Variants in EVA1C observed in about 807,000 individuals in gnomAD.
The protein encoded by EVA1C is eva-1 homolog C.
In EVA1C, 25 loss-of-function variants were observed where a neutral mutation model predicts 45.4. That is an observed-to-expected ratio of 0.55 (90% CI 0.40 to 0.77). EVA1C has a LOEUF of 0.77. Ranked by LOEUF, EVA1C falls within the 30% of genes least tolerant of loss-of-function variation. The probability of loss-of-function intolerance (pLI) is 0.00; values close to 1 mark genes in which losing one functional copy is unlikely to be tolerated. For missense variants in EVA1C, 479 were observed against 554.8 expected (o/e 0.86, Z 1.37); for synonymous variants, 190 against 221.2 (o/e 0.86, Z 1.25).
intron 1 of EVA1C, among the ~76,000 whole-genome samples, chr21:32,426,893 G>A (rs2034509068): frequency 3.3e-5 from 5 of 152,136 alleles, no homozygotes; most frequent in Admixed American, 2.0e-4. Context: ...AGCAGGAATG[G>A]GTGTGCAGTA....
At position 32,510,043 on chromosome 21, in the gene EVA1C, CTTTTTTT is replaced by C. The variant is rs58017017; in HGVS notation, c.950-4756_950-4750del. 3.4e-4 allele frequency among the ~76,000 whole-genome samples: 39 copies of C among 114,520 alleles called. No individual in the cohort carries two copies. The East Asian group carries it at 3.9e-3, about 11-fold the overall frequency. 75.1% of individuals were successfully genotyped at this position (114,520 alleles called of 152,430 possible). On this transcript the variant is annotated intron_variant, in intron 7 of 7. Transcript: ENST00000300255. ...AAAGTAATTGCGATTTCCGACATTC[CTTTTTTT>C]TTTTTTTTTTTTTTGAAACAGAGTC...
At chr21:32,440,571 CATTT>C (rs1474398790) in intron 1 of EVA1C, among the ~76,000 whole-genome samples, 1 of 151,996 alleles carries the variant, frequency 6.6e-6, no homozygotes, top group African/African-American at 2.4e-5. Flanking sequence ...CAACGCAGCA[CATTT>C]AGAGTAACTT....
intron 1 of EVA1C, among the ~76,000 whole-genome samples, chr21:32,443,827 A>G (rs559988578): frequency 7.2e-4 from 109 of 152,242 alleles, no homozygotes; most frequent in Admixed American, 3.5e-3. Context: ...CAGTGAACCA[A>G]CTTCCCAAGA....
chr21:32,456,909 G>GGAGA (rs61230955), intron 2 of EVA1C, among the ~76,000 whole-genome samples: 1 of 151,682 alleles, frequency 6.6e-6, no homozygotes, highest in Non-Finnish European at 1.5e-5. Context: ...GAAAAAATCA[G>GGAGA]GAGAGAGAGA....
chr21:32,496,753 C>G (rs143354814), intron 5 of EVA1C: 2 of 643,114 alleles, frequency 3.1e-6, no homozygotes, highest in Non-Finnish European at 5.6e-6. Flanking sequence ...TAGTTTTGGC[C>G]GGGGACCGGG....
chr21:32,415,156 T>A (rs2033986649), intron 1 of EVA1C, among the ~76,000 whole-genome samples: 1 of 152,182 alleles, frequency 6.6e-6, no homozygotes. Context: ...CCTGGGACAG[T>A]CGGTCCTGTT....
intron 1 of EVA1C, among the ~76,000 whole-genome samples, chr21:32,447,689 C>T (rs2035414169): frequency 1.3e-5 from 2 of 152,048 alleles, no homozygotes; most frequent in African/African-American, 2.4e-5. Flanking sequence ...TCTTCACTTC[C>T]ACTCACTTTT....
chr21:32,507,925 CTGTA>C (rs1277928805), intron 7 of EVA1C, among the ~76,000 whole-genome samples: 1 of 140,502 alleles, frequency 7.1e-6, no homozygotes, highest in Non-Finnish European at 1.5e-5. Flanking sequence ...GCGTGTGTGC[CTGTA>C]TGTGTATCTG....
intron 1 of EVA1C, among the ~76,000 whole-genome samples, chr21:32,421,160 G>A (rs2034252459): frequency 6.6e-6 from 1 of 151,284 alleles, no homozygotes; most frequent in Non-Finnish European, 1.5e-5. Flanking sequence ...ATGTATAAAT[G>A]AGTGGTGAGG....
intron 4 of EVA1C, among the ~76,000 whole-genome samples, chr21:32,476,668 A>C (rs966031929): frequency 6.6e-6 from 1 of 151,960 alleles, no homozygotes; most frequent in Non-Finnish European, 1.5e-5. Flanking sequence ...TAATAAGTTC[A>C]AGAGGAAGAG....
chr21:32,476,541 T>C (rs1256811430), intron 4 of EVA1C, among the ~76,000 whole-genome samples: 1 of 152,096 alleles, frequency 6.6e-6, no homozygotes, highest in Admixed American at 6.6e-5. Context: ...CTCCGGAGGC[T>C]GAGGCCGGAG....
At chr21:32,512,974 C>T (rs921942240) in intron 7 of EVA1C, among the ~76,000 whole-genome samples, 1 of 150,830 alleles carries the variant, frequency 6.6e-6, no homozygotes, top group Non-Finnish European at 1.5e-5. Context: ...TTACAGTATA[C>T]AGGCTTCCAT....
intron 1 of EVA1C, among the ~76,000 whole-genome samples, chr21:32,413,346 G>C (rs1009134305): frequency 1.3e-5 from 2 of 152,242 alleles, no homozygotes; most frequent in African/African-American, 4.8e-5. Flanking sequence ...GCCGCGCCCA[G>C]CGCTGTAAAA....
rs766894314 is a variant in EVA1C at position 32,412,932 on chromosome 21, C to T, written c.79C>T (p.Pro27Ser). Residue 27 changes from proline (P) to serine (S), a missense_variant, in exon 1 of 8, where the codon CCG becomes TCG. Coordinates refer to ENST00000300255, the MANE Select transcript of EVA1C (RefSeq NM_058187.5). ...QHPGLRRQVE[P>S]PGQLLRLFYC... ...TCCCGGCCTCCGCCGGCAGGTAGAG[C>T]CGCCGGGGCAGCTCCTGCGCCTCTT... 2.0e-5 allele frequency: 31 copies of T among 1,533,046 alleles called. No homozygotes were observed. The highest frequency in any genetic ancestry group is 1.9e-5 in the Non-Finnish European group (22 of 1,142,184). 95.0% of individuals were successfully genotyped at this position (1,533,046 alleles called of 1,614,324 possible).
intron 3 of EVA1C, among the ~76,000 whole-genome samples, chr21:32,466,348 G>A (rs1389124084): frequency 4.6e-5 from 7 of 151,572 alleles, no homozygotes. Context: ...GAACCTGGGA[G>A]GCAGAGCTTG....
chr21:32,412,723 C>T lies in EVA1C; in HGVS notation c.-131C>T. ...GCGCAGGGGAGGAGGCTCTGGCAGC[C>T]TGGGCAGGGAGGCGGCGGGGGGCCG... is the stretch of plus-strand genomic sequence containing the variant. On this transcript the variant is annotated 5_prime_UTR_variant, in exon 1 of 8. Transcript: ENST00000300255. 1 of 983,680 alleles carries T rather than the reference C, an allele frequency of 1.0e-6. No homozygotes were observed. Among genetic ancestry groups the T allele is most frequent in the Non-Finnish European group, 1.4e-6 (1 of 738,716 alleles). 60.9% of individuals were successfully genotyped at this position (983,680 alleles called of 1,614,324 possible).
intron 4 of EVA1C, among the ~76,000 whole-genome samples, chr21:32,484,679 T>C (rs2036910817): frequency 6.6e-6 from 1 of 152,282 alleles, no homozygotes; most frequent in Non-Finnish European, 1.5e-5. Context: ...CTTGCTTCTT[T>C]CTCTGGCCCC....
Position 32,412,770 on chromosome 21 carries a change from C to T in EVA1C, c.-84C>T. On this transcript the variant is annotated 5_prime_UTR_variant, in exon 1 of 8. Transcript: ENST00000300255. ...GCCGCGGAGCCGCTGGCCATCGATT[C>T]TCCCCGCCATGTGACGCCGTCCTTA... 7.9e-7 allele frequency: 1 copy of T among 1,263,264 alleles called. No individual in the cohort carries two copies. Among genetic ancestry groups the T allele is most frequent in the Non-Finnish European group, 1.0e-6 (1 of 989,822 alleles). The allele number at this position is 1,263,264 out of a possible 1,614,324, so 78.3% of individuals were successfully genotyped here. A position where few individuals can be genotyped will look rare whatever the true frequency, so the allele number is the denominator to read the frequency against.
At chr21:32,432,716 T>C (rs2034759333) in intron 1 of EVA1C, among the ~76,000 whole-genome samples, 1 of 152,164 alleles carries the variant, frequency 6.6e-6, no homozygotes, top group Admixed American at 6.5e-5. Context: ...GTGCTTCATC[T>C]GTCTTCTGTT....
Sources: allele counts gnomAD v4.1 joint callset (sites outside exome capture counted in the v4.1 genomes callset), GRCh38; gene constraint gnomAD v4.1.1; transcripts MANE v1.5; gene names NCBI Gene and HGNC (gene_info 2026-07-23, HGNC 2026-07-21).